The following NALF1 variants were observed in gnomAD, a reference collection of about 807,000 sequenced individuals.
NALF1 encodes NALCN channel auxiliary factor 1.
Under a neutral mutation model 48.4 loss-of-function variants are expected in NALF1, and 3 were observed. The observed-to-expected ratio is 0.06, with a 90% confidence interval of 0.03 to 0.16. The LOEUF (loss-of-function observed/expected upper bound fraction) is 0.16, where lower values mean the gene tolerates loss of function less well. NALF1 is among the 10% of genes least tolerant of loss of function. NALF1 has a pLI of 1.00. For synonymous variants in NALF1, 262 were observed against 245.7 expected (o/e 1.07, Z -0.62); for missense variants, 526 against 571.5 (o/e 0.92, Z 0.81).
chr13:107,675,462 A>T (rs1453344037), intron 1 of NALF1, among the ~76,000 whole-genome samples: 1 of 152,186 alleles, frequency 6.6e-6, no homozygotes, highest in East Asian at 1.9e-4. Context: ...AAAAATGTTA[A>T]ACCATCTTCA....
intron 1 of NALF1, among the ~76,000 whole-genome samples, chr13:107,558,236 T>C (rs963002940): frequency 2.6e-5 from 4 of 152,234 alleles, no homozygotes; most frequent in Non-Finnish European, 5.9e-5. Context: ...AGTCTCTTTT[T>C]TTTTAGTGTT....
At chr13:107,614,754 CTCTTTTTT>C (rs1416904142) in intron 1 of NALF1, among the ~76,000 whole-genome samples, 1 of 151,372 alleles carries the variant, frequency 6.6e-6, no homozygotes, top group African/African-American at 2.4e-5. Context: ...AATCCTGCAT[CTCTTTTTT>C]TCTTTTTTTT....
At chr13:107,601,284 T>C (rs187013812) in intron 1 of NALF1, among the ~76,000 whole-genome samples, 45 of 152,300 alleles carry the variant, frequency 3.0e-4, no homozygotes, top group Admixed American at 5.2e-4. Context: ...TGGATTCCAA[T>C]GTAAGAATTC....
At chr13:107,396,148 G>T (rs1260681410) in intron 1 of NALF1, among the ~76,000 whole-genome samples, 1 of 152,086 alleles carries the variant, frequency 6.6e-6, no homozygotes, top group Non-Finnish European at 1.5e-5. Flanking sequence ...TCCTCCCGTG[G>T]CAGAAAGAGA....
chr13:107,800,746 A>G (rs1468057553), intron 1 of NALF1, among the ~76,000 whole-genome samples: 1 of 147,824 alleles, frequency 6.8e-6, no homozygotes, highest in Non-Finnish European at 1.5e-5. Context: ...AATATATGAT[A>G]TAATATATAA....
At chr13:107,380,779 C>A (rs943030611) in intron 1 of NALF1, among the ~76,000 whole-genome samples, 11 of 151,660 alleles carry the variant, frequency 7.3e-5, no homozygotes, top group Non-Finnish European at 1.5e-4. Context: ...GAGATCGAGA[C>A]CATCCTGGCT....
intron 2 of NALF1, among the ~76,000 whole-genome samples, chr13:107,190,111 C>T (rs1301439963): frequency 2.6e-5 from 4 of 152,028 alleles, no homozygotes; most frequent in Non-Finnish European, 4.4e-5. Context: ...AGTATATTGC[C>T]CACAGTTATT....
At chr13:107,589,960 G>A (rs908265288) in intron 1 of NALF1, among the ~76,000 whole-genome samples, 1 of 151,880 alleles carries the variant, frequency 6.6e-6, no homozygotes. Context: ...CTTCTATTAC[G>A]AATAGATTAC....
intron 1 of NALF1, among the ~76,000 whole-genome samples, chr13:107,372,083 G>A (rs1293566085): frequency 6.6e-6 from 1 of 152,128 alleles, no homozygotes; most frequent in Non-Finnish European, 1.5e-5. Context: ...AAGATGCAGA[G>A]AGGTCTCCTC....
intron 1 of NALF1, among the ~76,000 whole-genome samples, chr13:107,527,757 C>G (rs558146641): frequency 5.9e-5 from 9 of 152,204 alleles, no homozygotes; most frequent in African/African-American, 1.7e-4. Context: ...AAACTTCTTT[C>G]GCTTGGGTCT....
At chr13:107,340,894 T>C (rs1048971725) in intron 1 of NALF1, among the ~76,000 whole-genome samples, 5 of 152,198 alleles carry the variant, frequency 3.3e-5, no homozygotes, top group Non-Finnish European at 7.3e-5. Context: ...ACAAGTCATA[T>C]GATCACAGTC....
chr13:107,685,803 G>T (rs538976796), intron 1 of NALF1, among the ~76,000 whole-genome samples: 1 of 152,334 alleles, frequency 6.6e-6, no homozygotes, highest in Admixed American at 6.5e-5. Flanking sequence ...AAATGCAAAT[G>T]ATTAAATTCC....
intron 1 of NALF1, among the ~76,000 whole-genome samples, chr13:107,486,576 G>A (rs1213601773): frequency 6.6e-6 from 1 of 152,168 alleles, no homozygotes; most frequent in Non-Finnish European, 1.5e-5. Context: ...TGTGTCCTGG[G>A]CTGCAGTAGG....
rs1042287395 is a variant in NALF1 at position 107,825,833 on chromosome 13, T to C, written c.915+39849A>G. On this transcript the variant is annotated intron_variant, in intron 1 of 2. Coordinates refer to ENST00000375915, the MANE Select transcript of NALF1 (RefSeq NM_001080396.3). ...TCTCGCTCTGTCACCCAGGCTGGAGTGCAATGGCAACATCTCGGCTCACTG... is the reference window on the plus strand; with the variant it reads ...TCTCGCTCTGTCACCCAGGCTGGAGCGCAATGGCAACATCTCGGCTCACTG... Among the ~76,000 whole-genome samples the C allele has an allele frequency of 5.9e-5, 9 of 152,266 alleles. No individual in the cohort carries two copies. The East Asian group carries it at 1.7e-3, about 29-fold the overall frequency.
intron 1 of NALF1, among the ~76,000 whole-genome samples, chr13:107,550,375 A>G (rs1441287089): frequency 6.6e-6 from 1 of 152,162 alleles, no homozygotes; most frequent in African/African-American, 2.4e-5. Context: ...TATTGTTAAA[A>G]TAAATATAAA....
intron 1 of NALF1, among the ~76,000 whole-genome samples, chr13:107,845,822 A>G (rs545906857): frequency 2.0e-5 from 3 of 152,274 alleles, no homozygotes; most frequent in African/African-American, 7.2e-5. Context: ...TTTTAGCACC[A>G]TAATACTACC....
rs576507936 is a variant in NALF1, at chr13:107,169,244, T to G, written c.*1253A>C. 2.0e-5 allele frequency: 3 copies of G among 152,392 alleles called. No homozygotes were observed. The East Asian group carries it at 5.8e-4, about 29-fold the overall frequency. The allele number at this position is 152,392 out of a possible 1,614,324, so 9.4% of individuals were successfully genotyped here. ...TTTTTTAAAAAAGAAGTTGTTCCTC[T>G]GTGATAATGCAGAATTGCATACACT... On this transcript the variant is annotated 3_prime_UTR_variant, in exon 3 of 3. Transcript: ENST00000375915.
chr13:107,292,947 A>C (rs1594107450), intron 1 of NALF1, among the ~76,000 whole-genome samples: 1 of 151,712 alleles, frequency 6.6e-6, no homozygotes, highest in East Asian at 1.9e-4. Context: ...CTAAGACGTC[A>C]CTAGGCAATA....
At position 107,867,069 on chromosome 13, in the gene NALF1, C is replaced by T. The variant is rs1331955657; in HGVS notation, c.-473G>A. Among the ~76,000 whole-genome samples the T allele has an allele frequency of 6.6e-6, 1 of 151,978 alleles. No homozygotes were observed. The highest frequency in any genetic ancestry group is 2.0e-4 in the East Asian group (1 of 5,082). Reference sequence around the variant, plus strand: ...CCCGCGGAGCCCAGCCCGCTCTCCCCTGCCAGGGGCATGCCGCGCCTCCGC... The same window carrying T: ...CCCGCGGAGCCCAGCCCGCTCTCCCTTGCCAGGGGCATGCCGCGCCTCCGC... On this transcript the variant is annotated 5_prime_UTR_variant, in exon 1 of 3. Coordinates refer to ENST00000375915, the MANE Select transcript of NALF1 (RefSeq NM_001080396.3). The surrounding 1 kb of genome is among the most constrained non-coding windows in gnomAD (Gnocchi z 4.4).
Sources: allele counts gnomAD v4.1 joint callset (sites outside exome capture counted in the v4.1 genomes callset), GRCh38; gene constraint gnomAD v4.1.1; non-coding constraint Gnocchi (gnomAD v3.1); transcripts MANE v1.5; gene names NCBI Gene and HGNC (gene_info 2026-07-23, HGNC 2026-07-21).